Variants in DGKI observed in about 807,000 individuals in gnomAD.
DGKI encodes the protein diacylglycerol kinase iota.
DGKI carries 55 observed loss-of-function variants against 147.5 expected under a neutral mutation model. That is an observed-to-expected ratio of 0.37 (90% confidence interval 0.30 to 0.47). The LOEUF (loss-of-function observed/expected upper bound fraction) is 0.47, where lower values mean the gene tolerates loss of function less well. Among genes scored for constraint, DGKI ranks in the 20% least tolerant of loss-of-function variants. The pLI is 1.00. For missense variants in DGKI, 1,007 were observed against 1,323.8 expected (o/e 0.76, Z 3.71); for synonymous variants, 469 against 477.1 (o/e 0.98, Z 0.22).
chr7:137,546,451 T>C (rs559320944), intron 20 of DGKI, among the ~76,000 whole-genome samples: 1 of 152,152 alleles, frequency 6.6e-6, no homozygotes, highest in East Asian at 1.9e-4. Flanking sequence ...CAAAAGACAA[T>C]CATCTTAAAA....
In DGKI at chr7:137,846,468, G is replaced by C. The variant is rs770128558; in HGVS notation, c.395C>G (p.Ser132Trp). 6.3e-7 allele frequency: 1 copy of C among 1,592,926 alleles called. No homozygotes were observed. The highest frequency in any genetic ancestry group is 8.5e-7 in the Non-Finnish European group (1 of 1,170,440). The change falls in exon 1 of 33, where the codon TCG becomes TGG. Residue 132 changes from serine to tryptophan, a missense_variant. Physicochemically the swap from Ser to Trp is radical, Grantham distance 177. This residue lies in a region of DGKI where 259 missense variants were observed against 362.5 expected (regional missense o/e 0.71). Transcript: ENST00000614521. The surrounding 1 kb of genome is among the most constrained non-coding windows in gnomAD (Gnocchi z 4.0). Reference sequence around the variant, plus strand: ...GCCGGCTCCCCGCACCTACCTGTACGAGACCTGCTTCCGGAAAGTTAAGTT... The same window carrying C: ...GCCGGCTCCCCGCACCTACCTGTACCAGACCTGCTTCCGGAAAGTTAAGTT... Reference protein sequence around the residue: ...LRNLTFRKQVSYRKAISRAGL... With the variant: ...LRNLTFRKQVWYRKAISRAGL...
chr7:137,653,666 C>T (rs1585332151), intron 5 of DGKI, among the ~76,000 whole-genome samples: 1 of 152,208 alleles, frequency 6.6e-6, no homozygotes, highest in East Asian at 1.9e-4. Flanking sequence ...CCTTCTCTGA[C>T]CCCTCTCCTC....
chr7:137,577,130 C>T, intron 17 of DGKI, 92 bp downstream of exon 17: 1 of 871,508 alleles, frequency 1.1e-6, no homozygotes, highest in Non-Finnish European at 1.9e-6. Context: ...CTATGCAGTC[C>T]AGTGATTCAA....
chr7:137,769,856 C>T (rs574975049), intron 1 of DGKI, among the ~76,000 whole-genome samples: 54 of 152,260 alleles, frequency 3.5e-4, no homozygotes, highest in African/African-American at 3.1e-4. Context: ...GAAATGGGAA[C>T]GCTTTTACAC....
chr7:137,794,074 T>C lies in DGKI; in HGVS notation c.401+52388A>G, dbSNP rs146792217. On this transcript the variant is annotated intron_variant, in intron 1 of 32. Coordinates refer to ENST00000614521, the MANE Select transcript of DGKI (RefSeq NM_001321708.2). ...TTTATAGAGCATCTATGAAATCCAG[T>C]CACTGAGGATACATATATAAGCAAG... Among the ~76,000 whole-genome samples the C allele has an allele frequency of 3.5e-3, 532 of 152,290 alleles. 7 individuals carry two copies. Among genetic ancestry groups the C allele is most frequent in the Admixed American group, 3.9e-3 (60 of 15,294 alleles).
chr7:137,428,239 G>A (rs1329753643), intron 28 of DGKI, among the ~76,000 whole-genome samples: 1 of 151,496 alleles, frequency 6.6e-6, no homozygotes, highest in African/African-American at 2.4e-5. Context: ...ATGCAAGGCT[G>A]GTTCAATATA....
intron 20 of DGKI, among the ~76,000 whole-genome samples, chr7:137,523,422 T>A (rs1817032270): frequency 1.3e-5 from 2 of 148,422 alleles, no homozygotes; most frequent in Admixed American, 6.7e-5. Flanking sequence ...ACATGGTGCA[T>A]TCTCTCTCTC....
At chr7:137,420,293 A>G (rs1292725619) in intron 28 of DGKI, among the ~76,000 whole-genome samples, 2 of 152,216 alleles carry the variant, frequency 1.3e-5, no homozygotes, top group African/African-American at 4.8e-5. Flanking sequence ...GCGCATATAC[A>G]AGGAGAGAGA....
chr7:137,525,693 A>G (rs1046200139), intron 20 of DGKI, among the ~76,000 whole-genome samples: 1 of 152,198 alleles, frequency 6.6e-6, no homozygotes, highest in Non-Finnish European at 1.5e-5. Flanking sequence ...ATATGCTTAG[A>G]AAAATGCCTG....
At chr7:137,843,756 TAC>T (rs71177923) in intron 1 of DGKI, among the ~76,000 whole-genome samples, 32,773 of 137,734 alleles carry the variant, frequency 0.24, 4,295 homozygotes, top group Middle Eastern at 0.43. Context: ...GAGACCCCCC[TAC>T]ACACACACAC....
At chr7:137,824,286 G>C (rs552956303) in intron 1 of DGKI, among the ~76,000 whole-genome samples, 58 of 152,298 alleles carry the variant, frequency 3.8e-4, no homozygotes, top group African/African-American at 1.3e-3. Flanking sequence ...GGAAGCCGAG[G>C]CGGGTGGATA....
At chr7:137,796,499 A>T (rs560106786) in intron 1 of DGKI, among the ~76,000 whole-genome samples, 12 of 143,956 alleles carry the variant, frequency 8.3e-5, no homozygotes, top group South Asian at 4.4e-4. Flanking sequence ...AACTCCATTT[A>T]AAAAAAAAAA....
chr7:137,585,489 G>T (rs76726564), intron 13 of DGKI, 143 bp from the exon 14 acceptor site: 5 of 901,498 alleles, frequency 5.5e-6, no homozygotes, highest in Middle Eastern at 4.5e-4. Flanking sequence ...TTACCTTGAG[G>T]TACTTAGAAT....
chr7:137,536,382 A>C (rs897919429), intron 20 of DGKI, among the ~76,000 whole-genome samples: 1 of 152,150 alleles, frequency 6.6e-6, no homozygotes, highest in African/African-American at 2.4e-5. Context: ...GTCTCTGACT[A>C]AATGTAAAAA....
At chr7:137,749,908 T>C (rs754592332) in intron 1 of DGKI, among the ~76,000 whole-genome samples, 1 of 152,114 alleles carries the variant, frequency 6.6e-6, no homozygotes, top group African/African-American at 2.4e-5. Flanking sequence ...TGGATAAGCC[T>C]ATGGGTGGGA....
chr7:137,469,445 C>T (rs1814794666), intron 24 of DGKI, 105 bp downstream of exon 24: 8 of 1,167,056 alleles, frequency 6.9e-6, no homozygotes, highest in South Asian at 1.3e-5. Context: ...CACATGAAGG[C>T]TTTCTGAATA....
Position 137,585,250 on chromosome 7 carries a change from G to T in DGKI, c.1522C>A (p.Pro508Thr). ...DRWNLHVERN[P>T]DLPPEELEDG... The stretch of plus-strand genomic sequence containing the variant: ...TCAAGTTCTTCTGGAGGCAAGTCGG[G>T]GTTTCTTTCCACATGGAGGTTCCAG... The change falls in exon 14 of 33, where the codon CCC becomes ACC. Residue 508 changes from proline (P) to threonine (T), a missense_variant. This residue lies in a region of DGKI where 224 missense variants were observed against 382.7 expected (regional missense o/e 0.59). Transcript: ENST00000614521. 1 of 1,614,084 alleles carries T rather than the reference G, an allele frequency of 6.2e-7. No homozygotes were observed. Among genetic ancestry groups the T allele is most frequent in the Non-Finnish European group, 8.5e-7 (1 of 1,180,014 alleles).
Position 137,469,439 on chromosome 7 carries a change from T to C in DGKI, c.2443+111A>G, listed in dbSNP as rs73445305. 8,643 of 1,090,210 alleles carry C rather than the reference T, an allele frequency of 7.9e-3. 504 individuals carry two copies. The African/African-American group carries it at 0.12, about 15-fold the overall frequency. The allele number at this position is 1,090,210 out of a possible 1,614,324, so 67.5% of individuals were successfully genotyped here. On this transcript the variant is annotated intron_variant, in intron 24 of 32. Transcript: ENST00000614521. ...CCAATACCAGCCATGTGGAGTCACA[T>C]GAAGGCTTTCTGAATAATCTTTTGG... is the stretch of plus-strand genomic sequence containing the variant.
intron 24 of DGKI, among the ~76,000 whole-genome samples, chr7:137,468,438 C>A (rs1000117262): frequency 3.3e-5 from 5 of 152,152 alleles, no homozygotes; most frequent in Admixed American, 3.3e-4. Flanking sequence ...ACAAGTTGTT[C>A]CTCTGCAAAT....
Sources: gnomAD v4.1 joint callset for allele counts (sites outside exome capture counted in the v4.1 genomes callset) on GRCh38, gnomAD v4.1.1 for gene constraint, gnomAD v4.1.1 regional missense constraint, Gnocchi (gnomAD v3.1) non-coding constraint, MANE v1.5 for transcripts, NCBI Gene and HGNC (gene_info 2026-07-23, HGNC 2026-07-21) for gene names.